TRIM16: variants seen among roughly 807,000 people sequenced by gnomAD.
TRIM16 encodes the protein tripartite motif containing 16.
TRIM16 carries 33 observed loss-of-function variants against 50.4 expected under a neutral mutation model. The ratio of observed to expected loss-of-function variants is 0.65; its 90% CI spans 0.50 to 0.88. The LOEUF (loss-of-function observed/expected upper bound fraction) is 0.88, where lower values mean the gene tolerates loss of function less well. Ranked by LOEUF, TRIM16 falls within the 40% of genes least tolerant of loss-of-function variation. The pLI, the probability that TRIM16 is intolerant of heterozygous loss-of-function variation, is 0.00. For missense variants in TRIM16, 581 were observed against 686.8 expected (o/e 0.85, Z 1.72); for synonymous variants, 229 against 270.7 (o/e 0.85, Z 1.51).
At position 15,681,123 on chromosome 17, in the gene TRIM16, A is replaced by G. The variant is rs539471715; in HGVS notation, c.-678-170T>C. 5.4e-4 allele frequency: 308 copies of G among 572,432 alleles called. 3 individuals are homozygous for G. In the African/African-American group the frequency reaches 5.4e-3, roughly 10 times the overall value. 35.5% of individuals were successfully genotyped at this position (572,432 alleles called of 1,614,324 possible). A position where few individuals can be genotyped will look rare whatever the true frequency, so the allele number is the denominator to read the frequency against. ...GACTTCAAAGATAATCTCAGAGGAT[A>G]GAATGAACATAAACTCAGGGAAAGG... On this transcript the variant is annotated intron_variant, in intron 3 of 11. Coordinates refer to ENST00000649191, the MANE Select transcript of TRIM16 (RefSeq NM_001348119.1).
rs527342245 is a variant in TRIM16 at position 15,636,553 on chromosome 17, G to A, written c.616-284C>T. 4.0e-5 allele frequency among the ~76,000 whole-genome samples: 6 copies of A among 148,278 alleles called. 1 individual carries two copies. Among genetic ancestry groups the A allele is most frequent in the East Asian group, 4.1e-4 (2 of 4,900 alleles). On this transcript the variant is annotated intron_variant, in intron 8 of 11. Transcript: ENST00000649191. The stretch of plus-strand genomic sequence containing the variant: ...CTCCGGGATTGTTAGTCAAGTTTCC[G>A]AAATTGATTTTCCTACCAGAGCAAT...
chr17:15,647,471 A>G (rs1987449963), intron 7 of TRIM16, among the ~76,000 whole-genome samples: 1 of 152,142 alleles, frequency 6.6e-6, no homozygotes, highest in African/African-American at 2.4e-5. Flanking sequence ...ACTGATGCTG[A>G]GGTTCAGCAT....
At chr17:15,666,029 G>A (rs938785445) in intron 6 of TRIM16, among the ~76,000 whole-genome samples, 7 of 151,690 alleles carry the variant, frequency 4.6e-5, no homozygotes, top group Non-Finnish European at 7.4e-5. Flanking sequence ...CTCTCTTTCC[G>A]TCACAACCCA....
At chr17:15,631,337 T>C (rs1284544084) in intron 11 of TRIM16, among the ~76,000 whole-genome samples, 1 of 152,246 alleles carries the variant, frequency 6.6e-6, no homozygotes, top group Admixed American at 6.5e-5. Context: ...CTGGTTTTCA[T>C]CAATGTATTG....
chr17:15,647,215 A>G (rs1206608229), intron 7 of TRIM16, among the ~76,000 whole-genome samples: 9 of 150,564 alleles, frequency 6.0e-5, no homozygotes, highest in African/African-American at 2.2e-4. Flanking sequence ...CAGGTGATCC[A>G]CCCGCCTCGG....
intron 7 of TRIM16, among the ~76,000 whole-genome samples, chr17:15,649,428 A>G (rs1987575081): frequency 6.6e-6 from 1 of 152,032 alleles, no homozygotes; most frequent in Non-Finnish European, 1.5e-5. Flanking sequence ...CTGGGACTAC[A>G]GTCGCCCGCC....
chr17:15,650,990 A>G, intron 7 of TRIM16, 101 bp downstream of exon 7: 1 of 1,477,972 alleles, frequency 6.8e-7, no homozygotes, highest in Admixed American at 2.1e-5. Context: ...GTATGCTCAG[A>G]GCATAGTAGT....
chr17:15,667,687 T>C (rs564606837), intron 6 of TRIM16, among the ~76,000 whole-genome samples: 1 of 152,318 alleles, frequency 6.6e-6, no homozygotes, highest in East Asian at 1.9e-4. Flanking sequence ...TTCTCTACCA[T>C]GGTAGATCAA....
In TRIM16 at chr17:15,640,780, C is replaced by T. The variant is rs557042935; in HGVS notation, c.615+1941G>A. Reference sequence around the variant, plus strand: ...CATTAGCTAACGTGTCCTAGTTCCCCGGCTTACTCACCCTTCATGCCCACT... The same window carrying T: ...CATTAGCTAACGTGTCCTAGTTCCCTGGCTTACTCACCCTTCATGCCCACT... On this transcript the variant is annotated intron_variant, in intron 8 of 11. Transcript: ENST00000649191. Among the ~76,000 whole-genome samples the T allele has an allele frequency of 3.9e-3, 574 of 148,284 alleles. 40 individuals carry two copies. Among genetic ancestry groups the T allele is most frequent in the African/African-American group, 0.014 (545 of 40,030 alleles).
At chr17:15,639,045 C>T (rs111572311) in intron 8 of TRIM16, among the ~76,000 whole-genome samples, 41 of 100,900 alleles carry the variant, frequency 4.1e-4, no homozygotes, top group African/African-American at 1.1e-3. Flanking sequence ...TTCTCTCTCT[C>T]TTTTTTTTTT....
In TRIM16 at chr17:15,684,261, G is replaced by C. The variant is rs10221188; in HGVS notation, c.-964C>G. 1.3e-5 allele frequency: 2 copies of C among 151,674 alleles called. No homozygotes were observed. Among genetic ancestry groups the C allele is most frequent in the South Asian group, 4.1e-4 (2 of 4,820 alleles). 9.4% of individuals were successfully genotyped at this position (151,674 alleles called of 1,614,324 possible). On this transcript the variant is annotated 5_prime_UTR_variant, in exon 1 of 12. Transcript: ENST00000649191. ...GGGTGTCTGCTCTGGGGGACAGGGA[G>C]GACACAGACTCGCCACGCGCGGAGA...
chr17:15,662,798 C>T (rs1988299782), intron 6 of TRIM16, among the ~76,000 whole-genome samples: 1 of 152,130 alleles, frequency 6.6e-6, no homozygotes, highest in Non-Finnish European at 1.5e-5. Flanking sequence ...CTGACCCAAA[C>T]CCATACATCT....
At chr17:15,661,067 G>A (rs988089743) in intron 6 of TRIM16, among the ~76,000 whole-genome samples, 1 of 152,180 alleles carries the variant, frequency 6.6e-6, no homozygotes, top group Non-Finnish European at 1.5e-5. Context: ...TGGTCAGAAA[G>A]AAAATCTGGA....
At chr17:15,680,635 C>CT (rs1989147688) in intron 4 of TRIM16, among the ~76,000 whole-genome samples, 1 of 152,126 alleles carries the variant, frequency 6.6e-6, no homozygotes, top group African/African-American at 2.4e-5. Flanking sequence ...CTGACCTTCA[C>CT]TGCTACTGCC....
chr17:15,632,411 CCT>C lies in TRIM16; in HGVS notation c.1015+96_1015+97del, dbSNP rs763087924. On this transcript the variant is annotated intron_variant, in intron 10 of 11. Coordinates refer to ENST00000649191, the MANE Select transcript of TRIM16 (RefSeq NM_001348119.1). The stretch of plus-strand genomic sequence containing the variant: ...AAAAAAAAAGAAAATGAAACATTCC[CCT>C]GATTTCATCCTCCCTTCCCTGACTC... 1,302 of 1,441,902 alleles carry C rather than the reference CCT, an allele frequency of 9.0e-4. 2 individuals carry two copies. The highest frequency in any genetic ancestry group is 1.6e-3 in the Admixed American group (68 of 42,878). 89.3% of individuals were successfully genotyped at this position (1,441,902 alleles called of 1,614,324 possible).
At chr17:15,655,846 GTA>G (rs1987952939) in intron 6 of TRIM16, among the ~76,000 whole-genome samples, 1 of 152,168 alleles carries the variant, frequency 6.6e-6, no homozygotes, top group Admixed American at 6.5e-5. Context: ...AGTGCTGGGA[GTA>G]CAGGTGTGAG....
chr17:15,678,168 G>C (rs961417314), intron 4 of TRIM16, among the ~76,000 whole-genome samples: 2 of 151,052 alleles, frequency 1.3e-5, no homozygotes, highest in African/African-American at 4.9e-5. Context: ...GCAGTGAGCC[G>C]AGATCACGCC....
At chr17:15,633,841 A>G (rs1482293179) in intron 9 of TRIM16, among the ~76,000 whole-genome samples, 2 of 151,198 alleles carry the variant, frequency 1.3e-5, no homozygotes, top group Non-Finnish European at 2.9e-5. Context: ...TGCCCGGCCA[A>G]TAAATAAGTT....
At position 15,651,291 on chromosome 17, in the gene TRIM16, G is replaced by A. The variant is rs140938167; in HGVS notation, c.319C>T (p.Pro107Ser). The change falls in exon 7 of 12, where the codon CCG (proline) becomes TCG (serine). Residue 107 changes from proline to serine, a missense_variant. Pro to Ser is a moderately conservative substitution (Grantham distance 74). Coordinates refer to ENST00000649191, the MANE Select transcript of TRIM16 (RefSeq NM_001348119.1). ...MVNYCEEHLQPHQVNIKLQSH... is the reference protein window; with the variant it reads ...MVNYCEEHLQSHQVNIKLQSH... ...TGCAGTTTGATGTTCACCTGATGCG[G>A]CTGCAAGTGCTCTTCACAGTAATTC... 1.2e-6 allele frequency: 2 copies of A among 1,614,216 alleles called. No homozygotes were observed. The highest frequency in any genetic ancestry group is 8.5e-7 in the Non-Finnish European group (1 of 1,180,034).
Sources: gnomAD v4.1 joint callset for allele counts (sites outside exome capture counted in the v4.1 genomes callset) on GRCh38, gnomAD v4.1.1 for gene constraint, MANE v1.5 for transcripts, NCBI Gene and HGNC (gene_info 2026-07-23, HGNC 2026-07-21) for gene names.